The following GAD2 variants were observed in gnomAD, a reference collection of about 807,000 sequenced individuals.
GAD2 encodes glutamate decarboxylase 2.
In GAD2, 22 loss-of-function variants were observed where a neutral mutation model predicts 80.1. That is an observed-to-expected ratio of 0.27 (90% confidence interval 0.20 to 0.39). The LOEUF is 0.39. Among genes scored for constraint, GAD2 ranks in the 10% least tolerant of loss-of-function variants. The probability of loss-of-function intolerance (pLI) is 1.00; values close to 1 mark genes in which losing one functional copy is unlikely to be tolerated. For synonymous variants in GAD2, 274 were observed against 256.9 expected, an observed-to-expected ratio of 1.07 and a Z score of -0.64; for missense variants, 624 against 738.4, an observed-to-expected ratio of 0.85 and a Z score of 1.80.
chr10:26,267,169 T>A (rs1158216740), intron 8 of GAD2, among the ~76,000 whole-genome samples: 2 of 152,220 alleles, frequency 1.3e-5, no homozygotes, highest in African/African-American at 4.8e-5. Context: ...GGCAAAGGTG[T>A]TTAGCTTTTG....
At chr10:26,247,401 G>A (rs371777330) in intron 8 of GAD2, among the ~76,000 whole-genome samples, 8 of 152,150 alleles carry the variant, frequency 5.3e-5, no homozygotes, top group East Asian at 1.9e-4. Context: ...TGCCTTAACC[G>A]TCTGGGAATG....
chr10:26,261,538 G>T (rs572726154), intron 8 of GAD2, among the ~76,000 whole-genome samples: 2 of 152,224 alleles, frequency 1.3e-5, no homozygotes, highest in East Asian at 3.9e-4. Context: ...GCTTTTCTTT[G>T]ATGGGAGATT....
At position 26,270,745 on chromosome 10, in the gene GAD2, A is replaced by G; in HGVS notation, c.1081A>G (p.Met361Val). The stretch of plus-strand genomic sequence containing the variant: ...CATTTGCAAAAAGTATAAGATCTGG[A>G]TGCATGTGGATGTAAGTATCCCTTA... Reference protein sequence around the residue: ...ADICKKYKIWMHVDAAWGGGL... With the variant: ...ADICKKYKIWVHVDAAWGGGL... The change falls in exon 10 of 16, where the codon ATG becomes GTG. Residue 361 changes from methionine to valine, a missense_variant. Met to Val is a conservative substitution (Grantham distance 21). Transcript: ENST00000376261. 2 of 1,604,880 alleles carry G rather than the reference A, an allele frequency of 1.2e-6. No homozygotes were observed. Among genetic ancestry groups the G allele is most frequent in the Non-Finnish European group, 1.7e-6 (2 of 1,171,540 alleles).
chr10:26,230,065 C>T (rs577046286), intron 7 of GAD2, among the ~76,000 whole-genome samples: 15 of 152,038 alleles, frequency 9.9e-5, no homozygotes, highest in Non-Finnish European at 1.5e-4. Flanking sequence ...GATCCTAGGA[C>T]GCTGAGGTAG....
intron 8 of GAD2, among the ~76,000 whole-genome samples, chr10:26,266,334 G>A (rs899189275): frequency 5.9e-5 from 9 of 152,144 alleles, no homozygotes; most frequent in East Asian, 5.8e-4. Flanking sequence ...ATTTTAAACC[G>A]GGACTTCAAT....
At chr10:26,245,052 C>G in intron 7 of GAD2, among the ~76,000 whole-genome samples, 1 of 150,538 alleles carries the variant, frequency 6.6e-6, no homozygotes, top group Admixed American at 6.6e-5. Flanking sequence ...ACTTGGGAGG[C>G]TGAGGCAGGA....
intron 4 of GAD2, among the ~76,000 whole-genome samples, chr10:26,220,261 G>A (rs996395636): frequency 6.6e-6 from 1 of 152,146 alleles, no homozygotes; most frequent in Non-Finnish European, 1.5e-5. Context: ...GCCTTTAAAA[G>A]ATTTGCTAGC....
At position 26,217,514 on chromosome 10, in the gene GAD2, C is replaced by G; in HGVS notation, c.77-96C>G. The stretch of plus-strand genomic sequence containing the variant: ...GGAGGAAGGCGGCCCCTCCTAGGAC[C>G]CCGGACTGATTGATTTTCACATAGA... On this transcript the variant is annotated intron_variant, in intron 1 of 15. Coordinates refer to ENST00000376261, the MANE Select transcript of GAD2 (RefSeq NM_001134366.2). This position sits in a 1 kb window ranked among gnomAD's most constrained non-coding sequence, Gnocchi z 4.9. 1.5e-6 allele frequency: 2 copies of G among 1,343,840 alleles called. No homozygotes were observed. Among genetic ancestry groups the G allele is most frequent in the Non-Finnish European group, 2.1e-6 (2 of 957,978 alleles). 83.2% of individuals were successfully genotyped at this position (1,343,840 alleles called of 1,614,324 possible).
At chr10:26,220,258 A>G (rs1844436396) in intron 4 of GAD2, among the ~76,000 whole-genome samples, 1 of 152,328 alleles carries the variant, frequency 6.6e-6, no homozygotes, top group South Asian at 2.1e-4. Flanking sequence ...GTAGCCTTTA[A>G]AAGATTTGCT....
intron 13 of GAD2, among the ~76,000 whole-genome samples, chr10:26,287,813 G>C (rs185888135): frequency 6.6e-6 from 1 of 152,144 alleles, no homozygotes; most frequent in African/African-American, 2.4e-5. Flanking sequence ...AGGGAAATCT[G>C]GGATACCATG....
intron 7 of GAD2, among the ~76,000 whole-genome samples, chr10:26,239,258 T>TCAA (rs1425683232): frequency 2.7e-4 from 41 of 152,188 alleles, no homozygotes; most frequent in Admixed American, 2.6e-3. Context: ...GTGTCCTTTC[T>TCAA]CTTTATTTGA....
intron 6 of GAD2, 179 bp downstream of exon 6, chr10:26,224,830 G>A (rs997287580): frequency 2.1e-5 from 12 of 570,884 alleles, no homozygotes; most frequent in African/African-American, 1.9e-4. Context: ...TCCAAGCTAA[G>A]TAACCCATGC....
At chr10:26,219,302 GCT>G (rs1482038361) in intron 4 of GAD2, 26 bp downstream of exon 4, 11 of 1,350,816 alleles carry the variant, frequency 8.1e-6, no homozygotes, top group African/African-American at 1.5e-5. Flanking sequence ...AAATAATAAA[GCT>G]CTTTTTTCGT....
At chr10:26,272,284 A>G (rs1421920307) in intron 10 of GAD2, among the ~76,000 whole-genome samples, 1 of 152,206 alleles carries the variant, frequency 6.6e-6, no homozygotes, top group Admixed American at 6.5e-5. Context: ...GGGCCTCAGG[A>G]CTGGAAATCC....
chr10:26,258,389 A>G (rs1455558387), intron 8 of GAD2, among the ~76,000 whole-genome samples: 1 of 152,180 alleles, frequency 6.6e-6, no homozygotes, highest in Admixed American at 6.5e-5. Flanking sequence ...TACACATAAC[A>G]TAAAATTTCC....
Position 26,223,884 on chromosome 10 carries a change from C to A in GAD2, c.521-3C>A. 2 of 1,571,174 alleles carry A rather than the reference C, an allele frequency of 1.3e-6. No homozygotes were observed. Among genetic ancestry groups the A allele is most frequent in the Non-Finnish European group, 1.7e-6 (2 of 1,154,738 alleles). On this transcript the variant is annotated splice_polypyrimidine_tract_variant and splice_region_variant and intron_variant, in intron 4 of 15. Transcript: ENST00000376261. ...CCTGATTCTGGTATTCCATTTTATT[C>A]AGGGCATCCTAGATACTTCAATCAA... is the stretch of plus-strand genomic sequence containing the variant.
intron 7 of GAD2, among the ~76,000 whole-genome samples, chr10:26,232,475 T>A: frequency 6.8e-6 from 1 of 147,452 alleles, no homozygotes; most frequent in East Asian, 1.9e-4. Flanking sequence ...TCTACTTTTT[T>A]TTTTTTTTTT....
intron 7 of GAD2, among the ~76,000 whole-genome samples, chr10:26,240,981 G>A (rs1844735120): frequency 6.6e-6 from 1 of 152,058 alleles, no homozygotes; most frequent in Non-Finnish European, 1.5e-5. Flanking sequence ...AGCGGAGCTT[G>A]CAGTGAGCTG....
intron 14 of GAD2, 90 bp downstream of exon 14, chr10:26,292,662 A>G: frequency 9.5e-7 from 1 of 1,052,618 alleles, no homozygotes; most frequent in Non-Finnish European, 1.5e-6. Context: ...TGTCCAGGTA[A>G]GTGGGACGAT....
Sources: allele counts gnomAD v4.1 joint callset (sites outside exome capture counted in the v4.1 genomes callset), GRCh38; gene constraint gnomAD v4.1.1; non-coding constraint Gnocchi (gnomAD v3.1); transcripts MANE v1.5; gene names NCBI Gene and HGNC (gene_info 2026-07-23, HGNC 2026-07-21).